Variants in TMEM132D observed in about 807,000 individuals in gnomAD.
TMEM132D encodes transmembrane protein 132D.
TMEM132D carries 21 observed loss-of-function variants against 62.3 expected under a neutral mutation model. The observed-to-expected ratio is 0.34, with a 90% confidence interval of 0.24 to 0.49. TMEM132D has a LOEUF of 0.49. TMEM132D is among the 20% of genes least tolerant of loss of function. The pLI is 0.99. For missense variants in TMEM132D, 1,346 were observed against 1,402.8 expected, an observed-to-expected ratio of 0.96 and a Z score of 0.65; for synonymous variants, 621 against 575.6, an observed-to-expected ratio of 1.08 and a Z score of -1.13.
chr12:129,102,912 C>A (rs1410917309), intron 5 of TMEM132D, among the ~76,000 whole-genome samples: 3 of 152,166 alleles, frequency 2.0e-5, no homozygotes, highest in Admixed American at 2.0e-4. Context: ...CATTGCCCAG[C>A]ACATTTAGGG....
chr12:129,118,086 CTTCTTTTAAAACATA>C (rs1157590555), intron 5 of TMEM132D, among the ~76,000 whole-genome samples: 2 of 152,190 alleles, frequency 1.3e-5, no homozygotes, highest in Non-Finnish European at 2.9e-5. Context: ...GTATTTTCCT[CTTCTTTTAAAACATA>C]ATGGCCACCT....
At chr12:129,302,740 C>G (rs766922763) in intron 4 of TMEM132D, among the ~76,000 whole-genome samples, 25 of 152,212 alleles carry the variant, frequency 1.6e-4, no homozygotes, top group Non-Finnish European at 2.5e-4. Flanking sequence ...TTCAGTGTCA[C>G]CTCCTTTTAC....
chr12:129,595,891 T>G (rs1878322349), intron 2 of TMEM132D, among the ~76,000 whole-genome samples: 2 of 152,368 alleles, frequency 1.3e-5, no homozygotes, highest in East Asian at 3.9e-4. Context: ...CTGATTTTTA[T>G]GCTGTACACG....
Position 129,450,215 on chromosome 12 carries a change from C to T in TMEM132D, c.1115+80844G>A, listed in dbSNP as rs906487714. ...CTGTGCAGAAGCTCTTTAATTAGATCCCATTTGTCAATTGTTGCTTTTGCT... is the reference window on the plus strand; with the variant it reads ...CTGTGCAGAAGCTCTTTAATTAGATTCCATTTGTCAATTGTTGCTTTTGCT... On this transcript the variant is annotated intron_variant, in intron 3 of 8. Coordinates refer to ENST00000422113, the MANE Select transcript of TMEM132D (RefSeq NM_133448.3). Among the ~76,000 whole-genome samples, 48 of 152,148 alleles carry T rather than the reference C, an allele frequency of 3.2e-4. 1 individual carries two copies. The highest frequency in any genetic ancestry group is 1.1e-3 in the African/African-American group (46 of 41,438).
intron 2 of TMEM132D, among the ~76,000 whole-genome samples, chr12:129,635,698 T>G (rs1879459106): frequency 6.6e-6 from 1 of 152,208 alleles, no homozygotes; most frequent in Non-Finnish European, 1.5e-5. Flanking sequence ...AATGAAATAC[T>G]TGGAGAAATA....
At chr12:129,587,581 A>G (rs777062428) in intron 2 of TMEM132D, among the ~76,000 whole-genome samples, 1 of 152,160 alleles carries the variant, frequency 6.6e-6, no homozygotes, top group Non-Finnish European at 1.5e-5. Flanking sequence ...CAGGAAATGC[A>G]TTCCCAAAGC....
intron 5 of TMEM132D, among the ~76,000 whole-genome samples, chr12:129,207,048 A>G (rs1878869165): frequency 2.0e-5 from 3 of 152,160 alleles, no homozygotes; most frequent in Admixed American, 1.3e-4. Context: ...AAGCCCTGTG[A>G]CACGCAGGTG....
intron 5 of TMEM132D, among the ~76,000 whole-genome samples, chr12:129,177,406 G>A (rs1877936368): frequency 6.6e-6 from 1 of 152,194 alleles, no homozygotes; most frequent in Non-Finnish European, 1.5e-5. Flanking sequence ...ATGTCAGAAA[G>A]TGATAATGAT....
At chr12:129,283,629 C>T (rs1427230149) in intron 4 of TMEM132D, among the ~76,000 whole-genome samples, 1 of 152,152 alleles carries the variant, frequency 6.6e-6, no homozygotes, top group African/African-American at 2.4e-5. Context: ...ATGGAATTGT[C>T]CTCCCTTCGA....
intron 1 of TMEM132D, among the ~76,000 whole-genome samples, chr12:129,818,403 G>A (rs1349555780): frequency 6.8e-6 from 1 of 146,408 alleles, no homozygotes; most frequent in Non-Finnish European, 1.5e-5. Flanking sequence ...TCGGGGGTGT[G>A]TGTGGGGTTT....
intron 2 of TMEM132D, among the ~76,000 whole-genome samples, chr12:129,626,665 T>C (rs905536496): frequency 6.6e-6 from 1 of 152,092 alleles, no homozygotes; most frequent in African/African-American, 2.4e-5. Flanking sequence ...CCATGTTGGC[T>C]AGTCTGGTCT....
chr12:129,199,905 TG>T (rs1878654248), intron 5 of TMEM132D, among the ~76,000 whole-genome samples: 1 of 152,138 alleles, frequency 6.6e-6, no homozygotes, highest in African/African-American at 2.4e-5. Context: ...AGATAAGATT[TG>T]GGTGGGGACA....
intron 1 of TMEM132D, among the ~76,000 whole-genome samples, chr12:129,705,730 A>C (rs1762156662): frequency 6.6e-6 from 1 of 152,210 alleles, no homozygotes; most frequent in South Asian, 2.1e-4. Flanking sequence ...TAAGCACTGA[A>C]AACATTTACG....
chr12:129,612,268 G>A (rs1372317329), intron 2 of TMEM132D, among the ~76,000 whole-genome samples: 6 of 152,146 alleles, frequency 3.9e-5, no homozygotes, highest in East Asian at 3.9e-4. Flanking sequence ...CACTGCCTGC[G>A]GCTCTTTTCT....
At position 129,883,855 on chromosome 12, in the gene TMEM132D, A is replaced by G. The variant is rs371306420; in HGVS notation, c.79+19406T>C. ...GGATACTCAAATGCAATAAAAGTGA[A>G]TATTGACCTATACACCCCACCATAC... On this transcript the variant is annotated intron_variant, in intron 1 of 8. Coordinates refer to ENST00000422113, the MANE Select transcript of TMEM132D (RefSeq NM_133448.3). Among the ~76,000 whole-genome samples, 43 of 152,368 alleles carry G rather than the reference A, an allele frequency of 2.8e-4. No individual in the cohort carries two copies. The East Asian group carries it at 3.1e-3, about 11-fold the overall frequency.
chr12:129,433,567 G>C (rs539053464), intron 3 of TMEM132D, among the ~76,000 whole-genome samples: 51 of 152,230 alleles, frequency 3.4e-4, no homozygotes, highest in African/African-American at 1.1e-3. Flanking sequence ...TTCCCTTGCT[G>C]GTACTTCTTT....
chr12:129,176,977 C>A (rs1341626821), intron 5 of TMEM132D, among the ~76,000 whole-genome samples: 1 of 152,228 alleles, frequency 6.6e-6, no homozygotes, highest in Non-Finnish European at 1.5e-5. Flanking sequence ...CTGCCCCCAG[C>A]CGTCTTGACC....
chr12:129,832,955 ACTCC>A (rs1367874161), intron 1 of TMEM132D, among the ~76,000 whole-genome samples: 1 of 151,664 alleles, frequency 6.6e-6, no homozygotes, highest in East Asian at 1.9e-4. Flanking sequence ...ATCCCCCTCT[ACTCC>A]CTACCTTAGC....
intron 5 of TMEM132D, among the ~76,000 whole-genome samples, chr12:129,167,364 C>T (rs1367330989): frequency 6.6e-6 from 1 of 152,222 alleles, no homozygotes; most frequent in East Asian, 1.9e-4. Flanking sequence ...TGCTAGAAGT[C>T]TCCAGCTATG....
Sources: gnomAD v4.1 joint callset for allele counts (sites outside exome capture counted in the v4.1 genomes callset) on GRCh38, gnomAD v4.1.1 for gene constraint, MANE v1.5 for transcripts, NCBI Gene and HGNC (gene_info 2026-07-23, HGNC 2026-07-21) for gene names.